The following CKAP2L variants were observed in gnomAD, a reference collection of about 807,000 sequenced individuals.
CKAP2L encodes the protein cytoskeleton-associated protein 2-like.
CKAP2L carries 42 observed loss-of-function variants against 65.7 expected under a neutral mutation model. The ratio of observed to expected loss-of-function variants is 0.64; its 90% confidence interval spans 0.50 to 0.83. The LOEUF (loss-of-function observed/expected upper bound fraction) is 0.83, where lower values mean the gene tolerates loss of function less well. Among genes scored for constraint, CKAP2L ranks in the 40% least tolerant of loss-of-function variants. CKAP2L has a pLI of 0.00. For synonymous variants in CKAP2L, 325 were observed against 313.5 expected, an observed-to-expected ratio of 1.04 and a Z score of -0.39; for missense variants, 908 against 871.0, an observed-to-expected ratio of 1.04 and a Z score of -0.53.
Position 112,752,469 on chromosome 2 carries a change from T to G in CKAP2L, c.1400A>C (p.Gln467Pro), listed in dbSNP as rs755933354. 1 of 1,595,956 alleles carries G rather than the reference T, an allele frequency of 6.3e-7. No individual in the cohort carries two copies. Among genetic ancestry groups the G allele is most frequent in the South Asian group, 1.1e-5 (1 of 87,746 alleles). Residue 467 changes from glutamine to proline, a missense_variant, in exon 5 of 9, where the codon CAA becomes CCA. Gln to Pro is a moderately conservative substitution (Grantham distance 76). Transcript: ENST00000302450. ...CTTAGATTTCTGCCATTCTTCTAGT[T>G]GTTTCCTGAAATTCAATTAAAGGGA... ...KKATAEDRRK[Q>P]LEEWQKSKGK...
At chr2:112,758,745 A>C (rs1680620082) in intron 3 of CKAP2L, among the ~76,000 whole-genome samples, 1 of 152,244 alleles carries the variant, frequency 6.6e-6, no homozygotes, top group African/African-American at 2.4e-5. Flanking sequence ...GATATAATCC[A>C]CAAACCATAA....
intron 4 of CKAP2L, 131 bp from the exon 5 acceptor site, chr2:112,752,605 TA>T: frequency 1.5e-6 from 1 of 654,162 alleles, no homozygotes; most frequent in South Asian, 2.1e-5. Flanking sequence ...AGAATGGAAT[TA>T]AAAAACAATT....
chr2:112,745,384 A>T (rs986970551), intron 6 of CKAP2L, among the ~76,000 whole-genome samples: 18 of 144,002 alleles, frequency 1.2e-4, no homozygotes, highest in Admixed American at 4.9e-4. Context: ...ATATTCATGT[A>T]TTTTTTTTTT....
rs564050700 is a variant in CKAP2L at position 112,762,067 on chromosome 2, G to C, written c.104+436C>G. ...TGTCTACCTTAACAGTAAATGCTAA[G>C]AGAATGACCCAAGAGCAGAGGGTAT... On this transcript the variant is annotated intron_variant, in intron 2 of 8. Transcript: ENST00000302450. 1.2e-4 allele frequency among the ~76,000 whole-genome samples: 18 copies of C among 152,300 alleles called. No homozygotes were observed. In the East Asian group the frequency reaches 3.3e-3, roughly 28 times the overall value.
rs538329580 is a variant in CKAP2L at position 112,736,621 on chromosome 2, T to C, written c.*2202A>G. Reference sequence around the variant, plus strand: ...CCATTTCCTCTTCCCCAATCTGTGGTAAGCACTTTCTCTGTGTACTTGAGC... The same window carrying C: ...CCATTTCCTCTTCCCCAATCTGTGGCAAGCACTTTCTCTGTGTACTTGAGC... On this transcript the variant is annotated 3_prime_UTR_variant, in exon 9 of 9. Transcript: ENST00000302450. The C allele has an allele frequency of 1.8e-4, 28 of 152,364 alleles. No individual in the cohort carries two copies. The highest frequency in any genetic ancestry group is 6.5e-4 in the African/African-American group (27 of 41,590). 9.4% of individuals were successfully genotyped at this position (152,364 alleles called of 1,614,324 possible). A position where few individuals can be genotyped will look rare whatever the true frequency, so the allele number is the denominator to read the frequency against.
chr2:112,752,684 T>A (rs1425630106), intron 4 of CKAP2L, among the ~76,000 whole-genome samples: 1 of 152,180 alleles, frequency 6.6e-6, no homozygotes, highest in African/African-American at 2.4e-5. Context: ...GATTCTAAGA[T>A]CACACGTGGC....
At chr2:112,762,210 G>C (rs548656619) in intron 2 of CKAP2L, among the ~76,000 whole-genome samples, 19 of 150,972 alleles carry the variant, frequency 1.3e-4, no homozygotes, top group African/African-American at 4.6e-4. Flanking sequence ...ACTTCCCCAA[G>C]AAAAAAAAAG....
intron 8 of CKAP2L, among the ~76,000 whole-genome samples, chr2:112,740,041 G>A (rs191459822): frequency 3.9e-5 from 6 of 152,282 alleles, no homozygotes; most frequent in Admixed American, 2.0e-4. Flanking sequence ...TTGCCTGCTA[G>A]TTTTCCTTAG....
chr2:112,752,455 G>A lies in CKAP2L; in HGVS notation c.1414C>T (p.Gln472Ter), dbSNP rs1359840081. 6.2e-7 allele frequency: 1 copy of A among 1,605,752 alleles called. No homozygotes were observed. The change falls in exon 5 of 9, where the codon CAG becomes TAG. Residue 472 changes from glutamine to a stop codon, truncating the protein, a stop_gained. Coordinates refer to ENST00000302450, the MANE Select transcript of CKAP2L (RefSeq NM_152515.5). LOFTEE classifies it high-confidence loss of function. ...TTATAGGTTTTTCCCTTAGATTTCT[G>A]CCATTCTTCTAGTTGTTTCCTGAAA... Reference protein sequence around the residue: ...EDRRKQLEEWQKSKGKTYKRP... With the variant: ...EDRRKQLEEW
At chr2:112,750,030 C>T (rs1254744209) in intron 5 of CKAP2L, among the ~76,000 whole-genome samples, 1 of 152,142 alleles carries the variant, frequency 6.6e-6, no homozygotes, top group Admixed American at 6.5e-5. Flanking sequence ...TGGATAGCAT[C>T]TTTTCCTCAA....
intron 6 of CKAP2L, among the ~76,000 whole-genome samples, chr2:112,745,633 G>A (rs1007973633): frequency 1.3e-5 from 2 of 152,084 alleles, no homozygotes; most frequent in African/African-American, 2.4e-5. Context: ...CACCTGCCTC[G>A]GCCTCCCCAA....
At chr2:112,759,671 G>A (rs1003674387) in intron 3 of CKAP2L, among the ~76,000 whole-genome samples, 5 of 152,204 alleles carry the variant, frequency 3.3e-5, no homozygotes, top group East Asian at 1.9e-4. Context: ...CTTCCCAAAC[G>A]TTAAACCATT....
At chr2:112,759,255 G>C (rs1166571438) in intron 3 of CKAP2L, among the ~76,000 whole-genome samples, 1 of 151,974 alleles carries the variant, frequency 6.6e-6, no homozygotes, top group Non-Finnish European at 1.5e-5. Context: ...AAAGTGTCCT[G>C]GTTTGGACAT....
intron 3 of CKAP2L, among the ~76,000 whole-genome samples, chr2:112,758,695 G>A (rs938956595): frequency 1.3e-5 from 2 of 152,154 alleles, no homozygotes; most frequent in Non-Finnish European, 2.9e-5. Flanking sequence ...GCTTCCAAAT[G>A]TGTTTTTTTA....
intron 5 of CKAP2L, among the ~76,000 whole-genome samples, chr2:112,749,848 G>C (rs761319372): frequency 8.5e-5 from 13 of 152,154 alleles, no homozygotes; most frequent in Non-Finnish European, 1.6e-4. Flanking sequence ...CTGCCAGCAG[G>C]GGGCACGAGA....
intron 2 of CKAP2L, among the ~76,000 whole-genome samples, chr2:112,761,854 C>G (rs540688565): frequency 6.6e-6 from 1 of 152,146 alleles, no homozygotes; most frequent in South Asian, 2.1e-4. Context: ...TTCATTTAAT[C>G]AAGGAAATAG....
chr2:112,760,645 T>C, intron 3 of CKAP2L, 68 bp downstream of exon 3: 1 of 783,122 alleles, frequency 1.3e-6, no homozygotes, highest in Middle Eastern at 2.6e-4. Flanking sequence ...GTTGCTAACA[T>C]CTTTATTATT....
intron 7 of CKAP2L, among the ~76,000 whole-genome samples, chr2:112,741,940 GTTTTTTTTTTTTT>G (rs57634251): frequency 5.1e-4 from 37 of 71,904 alleles, no homozygotes; most frequent in Non-Finnish European, 6.8e-4. Flanking sequence ...TTTCTTTTCT[GTTTTTTTTTTTTT>G]TTTTTTTTTT....
chr2:112,740,206 T>A (rs569182466), intron 8 of CKAP2L, among the ~76,000 whole-genome samples: 7 of 152,090 alleles, frequency 4.6e-5, no homozygotes, highest in Non-Finnish European at 1.0e-4. Context: ...GGGAAAATGG[T>A]GTGTGTCAGA....
Sources: gnomAD v4.1 joint callset for allele counts (sites outside exome capture counted in the v4.1 genomes callset) on GRCh38, gnomAD v4.1.1 for gene constraint, MANE v1.5 for transcripts, NCBI Gene and HGNC (gene_info 2026-07-23, HGNC 2026-07-21) for gene names.